Variants in PDE1A observed in about 807,000 individuals in gnomAD.
The protein encoded by PDE1A is dual specificity calcium/calmodulin-dependent 3',5'-cyclic nucleotide phosphodiesterase 1A.
Under a neutral mutation model 61.7 loss-of-function variants are expected in PDE1A, and 35 were observed. The observed-to-expected ratio is 0.57, with a 90% CI of 0.43 to 0.75. The LOEUF is 0.75. PDE1A is among the 30% of genes least tolerant of loss of function. PDE1A has a pLI of 0.00. For synonymous variants in PDE1A, 232 were observed against 213.2 expected (o/e 1.09, Z -0.77); for missense variants, 597 against 630.6 (o/e 0.95, Z 0.57).
At chr2:182,575,860 G>A in the PDE1A span, among the ~76,000 whole-genome samples, 1 of 145,828 alleles carries the variant, frequency 6.9e-6, no homozygotes, top group African/African-American at 2.5e-5. Context: ...GTGGGACCTT[G>A]TGATCATATA....
chr2:182,413,713 C>T (rs767803247), intron 1 of PDE1A, among the ~76,000 whole-genome samples: 49 of 152,150 alleles, frequency 3.2e-4, no homozygotes, highest in Admixed American at 7.2e-4. Context: ...ATTTAGGAAA[C>T]ACTAAATATC....
chr2:182,443,614 T>C (rs766164897), intron 2 of PDE1A, among the ~76,000 whole-genome samples: 1 of 152,054 alleles, frequency 6.6e-6, no homozygotes, highest in South Asian at 2.1e-4. Flanking sequence ...ACCCTGATTG[T>C]AAGTTTCGTA....
intron 3 of PDE1A, 71 bp downstream of exon 3, chr2:182,240,039 C>A: frequency 7.3e-7 from 1 of 1,367,786 alleles, no homozygotes; most frequent in Admixed American, 1.8e-5. Flanking sequence ...ACTGCTCATA[C>A]CCTTGAAAAA....
chr2:182,608,919 A>G, the PDE1A span, among the ~76,000 whole-genome samples: 1 of 152,218 alleles, frequency 6.6e-6, no homozygotes, highest in African/African-American at 2.4e-5. Context: ...AAATACCCCA[A>G]TCAGCACTCT....
intron 1 of PDE1A, among the ~76,000 whole-genome samples, chr2:182,302,923 A>T (rs833127): frequency 3.9e-5 from 6 of 152,180 alleles, no homozygotes; most frequent in Admixed American, 2.0e-4. Context: ...CTCACGCATA[A>T]GAAGCAACTC....
chr2:182,552,439 GTTT>G, the PDE1A span, among the ~76,000 whole-genome samples: 10 of 122,848 alleles, frequency 8.1e-5, no homozygotes, highest in Non-Finnish European at 8.6e-5. Context: ...GCTACACAAA[GTTT>G]TTTTTTTTTT....
At chr2:182,228,474 T>C (rs1338795523) in intron 6 of PDE1A, among the ~76,000 whole-genome samples, 1 of 152,112 alleles carries the variant, frequency 6.6e-6, no homozygotes, top group Non-Finnish European at 1.5e-5. Flanking sequence ...CTTCTTTATA[T>C]CAAATCTGAG....
the PDE1A span, among the ~76,000 whole-genome samples, chr2:182,582,461 A>T: frequency 1.3e-5 from 2 of 152,252 alleles, no homozygotes; most frequent in South Asian, 4.1e-4. Flanking sequence ...GTATAACTGA[A>T]ATTTTTAAAT....
chr2:182,401,962 T>G (rs144115770), intron 1 of PDE1A, among the ~76,000 whole-genome samples: 1 of 151,882 alleles, frequency 6.6e-6, no homozygotes, highest in Non-Finnish European at 1.5e-5. Context: ...AAATACAACT[T>G]ACAAGGGATG....
intron 1 of PDE1A, among the ~76,000 whole-genome samples, chr2:182,286,197 G>C (rs1156305492): frequency 1.3e-5 from 2 of 152,022 alleles, no homozygotes; most frequent in African/African-American, 2.4e-5. Context: ...AAATCAACAG[G>C]TGTCATAATG....
At chr2:182,442,418 T>C (rs1336244647) in intron 2 of PDE1A, among the ~76,000 whole-genome samples, 1 of 151,982 alleles carries the variant, frequency 6.6e-6, no homozygotes, top group Non-Finnish European at 1.5e-5. Context: ...AGGAATGACA[T>C]AGATATAAAA....
intron 2 of PDE1A, among the ~76,000 whole-genome samples, chr2:182,451,470 C>G (rs952111515): frequency 1.1e-4 from 16 of 152,002 alleles, no homozygotes; most frequent in Middle Eastern, 3.2e-3. Context: ...ACTACGCACA[C>G]TCCCCAGATC....
chr2:182,200,318 T>C (rs1246831778), intron 10 of PDE1A, among the ~76,000 whole-genome samples: 1 of 152,108 alleles, frequency 6.6e-6, no homozygotes, highest in Non-Finnish European at 1.5e-5. Context: ...ACCAACCACA[T>C]GATTAGAAAG....
At chr2:182,226,471 C>T (rs1263124353) in intron 6 of PDE1A, among the ~76,000 whole-genome samples, 1 of 149,868 alleles carries the variant, frequency 6.7e-6, no homozygotes, top group Admixed American at 6.6e-5. Flanking sequence ...TGAACTTTCA[C>T]ACTTAATTTA....
rs760740773 is a variant in PDE1A at position 182,234,435 on chromosome 2, TA to T, written c.413del (p.Leu138Ter). Reference sequence around the variant, plus strand: ...GAAAATAATGAAATTATGTCACCTTTAATGTTACGATGACAGCTGCTGGATA... The same window carrying T: ...GAAAATAATGAAATTATGTCACCTTTATGTTACGATGACAGCTGCTGGATA... On this transcript the variant is annotated frameshift_variant, in exon 4 of 14. Transcript: ENST00000351439. LOFTEE classifies it high-confidence loss of function. 6.3e-7 allele frequency: 1 copy of T among 1,597,570 alleles called. No homozygotes were observed. Among genetic ancestry groups the T allele is most frequent in the Non-Finnish European group, 8.6e-7 (1 of 1,167,626 alleles).
the PDE1A span, among the ~76,000 whole-genome samples, chr2:182,626,886 C>CAT: frequency 2.2e-5 from 1 of 44,746 alleles, no homozygotes; most frequent in Non-Finnish European, 4.0e-5. Flanking sequence ...TATATATACA[C>CAT]ATATATATAT....
chr2:182,360,167 G>A lies in PDE1A; in HGVS notation c.53+66411C>T, dbSNP rs151318469. ...AACATTTAACATAGATACGACTTCT[G>A]GAGAAGACGTGATGAATTACTACAT... On this transcript the variant is annotated intron_variant, in intron 1 of 13. Coordinates refer to ENST00000351439, the Ensembl canonical transcript of PDE1A. Among the ~76,000 whole-genome samples the A allele has an allele frequency of 2.9e-3, 442 of 152,158 alleles. 3 individuals carry two copies. The highest frequency in any genetic ancestry group is 0.01 in the African/African-American group (421 of 41,538).
intron 2 of PDE1A, among the ~76,000 whole-genome samples, chr2:182,481,050 G>C (rs1270173478): frequency 9.2e-5 from 14 of 151,838 alleles, no homozygotes; most frequent in Admixed American, 9.2e-4. Flanking sequence ...AGTTTGCAGA[G>C]GGATGTGAAG....
intron 2 of PDE1A, among the ~76,000 whole-genome samples, chr2:182,242,945 G>GTGTGTGTGTGTGTGTTTT (rs1690668889): frequency 1.3e-5 from 2 of 150,470 alleles, no homozygotes; most frequent in African/African-American, 4.9e-5. Flanking sequence ...ATGTGTGTGT[G>GTGTGTGTGTGTGTGTTTT]TGTGTTGTGT....
Sources: allele counts gnomAD v4.1 joint callset (sites outside exome capture counted in the v4.1 genomes callset), GRCh38; gene constraint gnomAD v4.1.1; transcripts MANE v1.5; gene names NCBI Gene and HGNC (gene_info 2026-07-23, HGNC 2026-07-21).